ROBO2: variants seen among roughly 807,000 people sequenced by gnomAD.
ROBO2 encodes the protein roundabout homolog 2.
ROBO2 carries 53 observed loss-of-function variants against 160.8 expected under a neutral mutation model. That is an observed-to-expected ratio of 0.33 (90% CI 0.26 to 0.41). The LOEUF is 0.41. ROBO2 is among the 10% of genes least tolerant of loss of function. The probability of loss-of-function intolerance (pLI) is 1.00; values close to 1 mark genes in which losing one functional copy is unlikely to be tolerated. For missense variants in ROBO2, 1,577 were observed against 1,722.4 expected (o/e 0.92, Z 1.49); for synonymous variants, 664 against 611.7 (o/e 1.09, Z -1.26).
chr3:76,061,141 A>G (rs2068057966), intron 2 of ROBO2, among the ~76,000 whole-genome samples: 1 of 152,220 alleles, frequency 6.6e-6, no homozygotes, highest in African/African-American at 2.4e-5. Flanking sequence ...CACATGTGCA[A>G]ATTCTCAGCA....
chr3:76,850,865 G>A (rs1407688963), intron 2 of ROBO2, among the ~76,000 whole-genome samples: 1 of 152,112 alleles, frequency 6.6e-6, no homozygotes, highest in Non-Finnish European at 1.5e-5. Flanking sequence ...CCTAAGCTCT[G>A]GTCCTTCTTT....
At chr3:77,204,508 G>GT (rs145510010) in intron 2 of ROBO2, among the ~76,000 whole-genome samples, 1,800 of 152,068 alleles carry the variant, frequency 0.012, 36 homozygotes, top group African/African-American at 0.04. Context: ...TAAGTGCCAT[G>GT]TTTTTTTGTT....
At chr3:77,385,877 C>T (rs1581542456) in intron 2 of ROBO2, among the ~76,000 whole-genome samples, 1 of 152,144 alleles carries the variant, frequency 6.6e-6, no homozygotes, top group Non-Finnish European at 1.5e-5. Flanking sequence ...TATCCTAACA[C>T]TCGATCCAGG....
intron 2 of ROBO2, among the ~76,000 whole-genome samples, chr3:76,033,669 A>G (rs555815408): frequency 6.6e-6 from 1 of 152,334 alleles, no homozygotes; most frequent in African/African-American, 2.4e-5. Flanking sequence ...ATGTCATGAG[A>G]CAGCAATATG....
intron 2 of ROBO2, among the ~76,000 whole-genome samples, chr3:77,220,872 G>A (rs938008559): frequency 2.0e-5 from 3 of 152,068 alleles, no homozygotes; most frequent in African/African-American, 7.2e-5. Context: ...GTATTGCTAT[G>A]TTGTATAATA....
intron 2 of ROBO2, among the ~76,000 whole-genome samples, chr3:76,591,556 T>C (rs1346116517): frequency 1.3e-5 from 2 of 152,172 alleles, no homozygotes; most frequent in Non-Finnish European, 2.9e-5. Flanking sequence ...TCCTGAATTC[T>C]ATCTTCAAAA....
intron 23 of ROBO2, among the ~76,000 whole-genome samples, chr3:77,627,780 A>T (rs950720341): frequency 2.0e-5 from 3 of 152,216 alleles, no homozygotes; most frequent in Non-Finnish European, 4.4e-5. Context: ...TAGATTAAAT[A>T]TTGGTTGAAA....
At chr3:76,690,018 C>A (rs889360114) in intron 2 of ROBO2, among the ~76,000 whole-genome samples, 2 of 152,108 alleles carry the variant, frequency 1.3e-5, no homozygotes. Context: ...ATATAAGGTG[C>A]CACAAGAATA....
intron 20 of ROBO2, among the ~76,000 whole-genome samples, chr3:77,602,708 C>T (rs1386032237): frequency 2.0e-5 from 3 of 150,856 alleles, no homozygotes; most frequent in Non-Finnish European, 4.4e-5. Context: ...CCACCACCAC[C>T]TCCTCCACCA....
At chr3:76,667,640 G>A (rs2092100869) in intron 2 of ROBO2, among the ~76,000 whole-genome samples, 1 of 145,228 alleles carries the variant, frequency 6.9e-6, no homozygotes, top group South Asian at 2.3e-4. Context: ...AGAGTAATCA[G>A]GCGTACTGTT....
At position 76,225,470 on chromosome 3, in the gene ROBO2, T is replaced by C. The variant is rs1332640726; in HGVS notation, c.109+287868T>C. On this transcript the variant is annotated intron_variant, in intron 2 of 26. Coordinates refer to the ROBO2 transcript ENST00000487694. Reference sequence around the variant, plus strand: ...TGGTTCATGCCTGTAATCCTAGCACTTTGGGAAGCCAATGCAGGCAAATTG... The same window carrying C: ...TGGTTCATGCCTGTAATCCTAGCACCTTGGGAAGCCAATGCAGGCAAATTG... Among the ~76,000 whole-genome samples the C allele has an allele frequency of 2.6e-5, 4 of 152,326 alleles. No homozygotes were observed. In the East Asian group the frequency reaches 7.7e-4, roughly 29 times the overall value.
chr3:76,320,235 A>G (rs973406552), intron 2 of ROBO2, among the ~76,000 whole-genome samples: 1 of 152,196 alleles, frequency 6.6e-6, no homozygotes, highest in African/African-American at 2.4e-5. Context: ...GAATGACTAC[A>G]TTTTGAATTT....
chr3:76,539,129 G>T (rs1254860346), intron 2 of ROBO2, among the ~76,000 whole-genome samples: 1 of 152,146 alleles, frequency 6.6e-6, no homozygotes, highest in African/African-American at 2.4e-5. Flanking sequence ...TCACTCATAA[G>T]TGGGAGCTGA....
At chr3:76,143,787 C>G (rs1281742859) in intron 2 of ROBO2, among the ~76,000 whole-genome samples, 1 of 151,962 alleles carries the variant, frequency 6.6e-6, no homozygotes, top group Non-Finnish European at 1.5e-5. Flanking sequence ...GGCTAAGTCC[C>G]AAGATCCTCA....
chr3:76,543,234 C>T (rs1438874293), intron 2 of ROBO2, among the ~76,000 whole-genome samples: 1 of 152,026 alleles, frequency 6.6e-6, no homozygotes, highest in African/African-American at 2.4e-5. Flanking sequence ...GTGTTGTCCC[C>T]AAATTTATAT....
chr3:77,071,816 C>T (rs888401774), intron 1 of ROBO2, among the ~76,000 whole-genome samples: 1 of 152,176 alleles, frequency 6.6e-6, no homozygotes, highest in African/African-American at 2.4e-5. Flanking sequence ...TGAGCCCTGT[C>T]CTGTGGAGTC....
chr3:76,119,921 CCTT>C (rs1559566744), intron 2 of ROBO2, among the ~76,000 whole-genome samples: 3,241 of 42,666 alleles, frequency 0.076, 171 homozygotes, highest in Middle Eastern at 0.13. Flanking sequence ...TCCCTCCCTT[CCTT>C]CCTTCCTTCC....
At chr3:75,911,708 C>G (rs1371570967) in intron 1 of ROBO2, among the ~76,000 whole-genome samples, 1 of 151,708 alleles carries the variant, frequency 6.6e-6, no homozygotes, top group Non-Finnish European at 1.5e-5. Flanking sequence ...CAGGCGCACG[C>G]CACCATGCCC....
chr3:77,322,942 T>TTATATTATATTATGGATAATATAA (rs1560532352), intron 2 of ROBO2, among the ~76,000 whole-genome samples: 1 of 1,486 alleles, frequency 6.7e-4, no homozygotes, highest in Non-Finnish European at 1.5e-3. Flanking sequence ...ATATAATATA[T>TTATATTATATTATGGATAATATAA]TATATTATAT....
Sources: gnomAD v4.1 joint callset for allele counts (sites outside exome capture counted in the v4.1 genomes callset) on GRCh38, gnomAD v4.1.1 for gene constraint, MANE v1.5 for transcripts, NCBI Gene and HGNC (gene_info 2026-07-23, HGNC 2026-07-21) for gene names.